The following ERC1 variants were observed in gnomAD, a reference collection of about 807,000 sequenced individuals.
ERC1 encodes the protein RAB6 interacting protein 2.
ERC1 carries 56 observed loss-of-function variants against 132.0 expected under a neutral mutation model. The observed-to-expected ratio is 0.42, with a 90% CI of 0.34 to 0.53. The LOEUF is 0.53. Among genes scored for constraint, ERC1 ranks in the 20% least tolerant of loss-of-function variants. The probability of loss-of-function intolerance (pLI) is 0.03; values close to 1 mark genes in which losing one functional copy is unlikely to be tolerated. For synonymous variants in ERC1, 478 were observed against 476.1 expected (o/e 1.00, Z -0.05); for missense variants, 1,202 against 1,349.9 (o/e 0.89, Z 1.72).
chr12:1,231,678 T>TA (rs1792989778), intron 12 of ERC1, among the ~76,000 whole-genome samples: 1 of 152,194 alleles, frequency 6.6e-6, no homozygotes, highest in Non-Finnish European at 1.5e-5. Flanking sequence ...CAACTTTTTT[T>TA]TTTTTTCCCT....
intron 2 of ERC1, among the ~76,000 whole-genome samples, chr12:1,073,312 A>T (rs185423770): frequency 7.9e-5 from 12 of 151,824 alleles, no homozygotes; most frequent in East Asian, 2.0e-4. Flanking sequence ...AAAAAAATTT[A>T]AAAAAATGTT....
chr12:1,127,786 A>G (rs1221888759), intron 7 of ERC1, among the ~76,000 whole-genome samples: 1 of 152,206 alleles, frequency 6.6e-6, no homozygotes, highest in South Asian at 2.1e-4. Flanking sequence ...AGGGATGGGT[A>G]TTGGACATAA....
intron 15 of ERC1, among the ~76,000 whole-genome samples, chr12:1,314,147 A>G (rs958490076): frequency 6.6e-6 from 1 of 151,944 alleles, no homozygotes; most frequent in Non-Finnish European, 1.5e-5. Flanking sequence ...TAAATTTTTA[A>G]CTCCATAGAG....
intron 18 of ERC1, among the ~76,000 whole-genome samples, chr12:1,455,933 G>A (rs2093524301): frequency 6.6e-6 from 1 of 152,186 alleles, no homozygotes; most frequent in Admixed American, 6.5e-5. Context: ...GAGTGGGAAA[G>A]TTCGATATCC....
At chr12:1,178,494 TAG>T (rs1953993044) in intron 8 of ERC1, among the ~76,000 whole-genome samples, 1 of 152,062 alleles carries the variant, frequency 6.6e-6, no homozygotes, top group Non-Finnish European at 1.5e-5. Flanking sequence ...GATTGATAGA[TAG>T]AGGAATGGAG....
intron 11 of ERC1, among the ~76,000 whole-genome samples, chr12:1,185,501 ACTTTT>A (rs1394725627): frequency 8.3e-6 from 1 of 120,986 alleles, no homozygotes; most frequent in Non-Finnish European, 1.6e-5. Context: ...CATTTTCTGT[ACTTTT>A]CTTTCTTTCT....
chr12:1,458,199 G>A (rs1045247285), intron 18 of ERC1, among the ~76,000 whole-genome samples: 3 of 152,214 alleles, frequency 2.0e-5, no homozygotes, highest in Non-Finnish European at 2.9e-5. Flanking sequence ...TGGGAGGCGA[G>A]GGCTGAGGAT....
At chr12:1,390,073 C>A (rs1319635842) in intron 16 of ERC1, among the ~76,000 whole-genome samples, 17 of 152,042 alleles carry the variant, frequency 1.1e-4, no homozygotes, top group Admixed American at 1.1e-3. Flanking sequence ...CTGGAAGTGA[C>A]CTTTGTATAT....
chr12:1,400,768 C>A (rs2090953455), intron 16 of ERC1, among the ~76,000 whole-genome samples: 2 of 152,186 alleles, frequency 1.3e-5, no homozygotes, highest in Admixed American at 1.3e-4. Flanking sequence ...TCTGGACTCT[C>A]AATTTTGTTT....
intron 1 of ERC1, among the ~76,000 whole-genome samples, chr12:1,000,838 T>C (rs558496222): frequency 2.6e-5 from 4 of 152,358 alleles, no homozygotes; most frequent in East Asian, 1.9e-4. Context: ...ATAATTTTAC[T>C]GTAGGAATAT....
intron 15 of ERC1, among the ~76,000 whole-genome samples, chr12:1,321,715 C>A (rs73034936): frequency 0.035 from 5,257 of 152,202 alleles, 95 homozygotes; most frequent in Middle Eastern, 0.075. Context: ...CAATATAAAA[C>A]CAATGTTTGG....
chr12:1,154,213 G>GTGTGTATATGTATATGTATATGTA (rs1951103212), intron 8 of ERC1, among the ~76,000 whole-genome samples: 1 of 142,900 alleles, frequency 7.0e-6, no homozygotes, highest in African/African-American at 2.6e-5. Flanking sequence ...GTGTGTGTGT[G>GTGTGTATATGTATATGTATATGTA]TATGTATATG....
intron 18 of ERC1, among the ~76,000 whole-genome samples, chr12:1,461,236 G>A (rs182583333): frequency 6.6e-6 from 1 of 152,142 alleles, no homozygotes; most frequent in East Asian, 1.9e-4. Flanking sequence ...CATACAATTA[G>A]CCATATGGAT....
chr12:1,051,538 A>AG (rs2154168733), intron 2 of ERC1, among the ~76,000 whole-genome samples: 1 of 21,368 alleles, frequency 4.7e-5, no homozygotes, highest in East Asian at 2.0e-3. Context: ...CCAAAAAAAA[A>AG]AAAAAAAAAA....
At chr12:1,135,989 GAC>G (rs1208862385) in intron 7 of ERC1, among the ~76,000 whole-genome samples, 1 of 152,190 alleles carries the variant, frequency 6.6e-6, no homozygotes, top group Non-Finnish European at 1.5e-5. Context: ...TTATCAGGGA[GAC>G]TGTTAAGATA....
At chr12:992,077 G>A (rs1959578737) in intron 1 of ERC1, among the ~76,000 whole-genome samples, 2 of 152,096 alleles carry the variant, frequency 1.3e-5, no homozygotes, top group Admixed American at 1.3e-4. Context: ...CGAAGAAGAG[G>A]GAGATCTTCG....
chr12:1,364,214 G>A (rs2086442349), intron 15 of ERC1, among the ~76,000 whole-genome samples: 2 of 152,162 alleles, frequency 1.3e-5, no homozygotes, highest in African/African-American at 4.8e-5. Flanking sequence ...TTTAGGAACT[G>A]TTTTTGTAAT....
intron 15 of ERC1, among the ~76,000 whole-genome samples, chr12:1,302,974 G>A (rs114876844): frequency 6.6e-6 from 1 of 152,002 alleles, no homozygotes; most frequent in African/African-American, 2.4e-5. Flanking sequence ...AAAAGAAAAA[G>A]TTATATGTAC....
rs1957198822 is a variant in ERC1 at position 1,204,653 on chromosome 12, A to G, written c.2351+14601A>G. 2.9e-5 allele frequency: 23 copies of G among 796,368 alleles called. No homozygotes were observed. The Admixed American group carries it at 4.9e-4, about 17-fold the overall frequency. 49.3% of individuals were successfully genotyped at this position (796,368 alleles called of 1,614,324 possible). On this transcript the variant is annotated intron_variant, in intron 12 of 18. Transcript: ENST00000360905. ...GCTGTGAGGATAAAATGTCAAGGGT[A>G]TTGGGTTTATCAGAAGAGTGTGTTC...
Sources: allele counts gnomAD v4.1 joint callset (sites outside exome capture counted in the v4.1 genomes callset), GRCh38; gene constraint gnomAD v4.1.1; transcripts MANE v1.5; gene names NCBI Gene and HGNC (gene_info 2026-07-23, HGNC 2026-07-21).